SGSM1: variants seen among roughly 807,000 people sequenced by gnomAD.
The protein encoded by SGSM1 is small G protein signaling modulator 1, also known as RUN and TBC1 domain containing 2.
SGSM1 carries 73 observed loss-of-function variants against 133.8 expected under a neutral mutation model. The ratio of observed to expected loss-of-function variants is 0.55; its 90% CI spans 0.45 to 0.66. The LOEUF (loss-of-function observed/expected upper bound fraction) is 0.66. SGSM1 is among the 30% of genes least tolerant of loss of function. SGSM1 has a pLI of 0.00. For synonymous variants in SGSM1, 563 were observed against 573.0 expected (o/e 0.98, Z 0.25); for missense variants, 1,213 against 1,448.1 (o/e 0.84, Z 2.64).
chr22:24,883,712 T>G (rs1932452339), intron 14 of SGSM1, among the ~76,000 whole-genome samples: 1 of 152,208 alleles, frequency 6.6e-6, no homozygotes, highest in African/African-American at 2.4e-5. Context: ...ATCCCAGCAC[T>G]TTGGGAGGCT....
intron 14 of SGSM1, among the ~76,000 whole-genome samples, chr22:24,880,023 C>T (rs1932240173): frequency 6.6e-6 from 1 of 152,116 alleles, no homozygotes; most frequent in African/African-American, 2.4e-5. Context: ...GATGAAGACA[C>T]TAAGGCACAG....
chr22:24,874,147 G>A (rs1931901424), intron 12 of SGSM1, among the ~76,000 whole-genome samples: 1 of 152,198 alleles, frequency 6.6e-6, no homozygotes, highest in South Asian at 2.1e-4. Flanking sequence ...GAGGGAGGAT[G>A]CATCCCTCAC....
In SGSM1 at chr22:24,855,692, T is replaced by C. The variant is rs755602917; in HGVS notation, c.801+12T>C. On this transcript the variant is annotated intron_variant, in intron 8 of 24. Transcript: ENST00000400358. ...TTCTTGTTCAGCCGGTGAGAGGTTA[T>C]CTTGGGCCTAGATCTTGCACTGAGG... 6.2e-7 allele frequency: 1 copy of C among 1,613,826 alleles called. No homozygotes were observed. Among genetic ancestry groups the C allele is most frequent in the African/African-American group, 1.3e-5 (1 of 74,912 alleles).
chr22:24,876,512 G>A, intron 12 of SGSM1, 65 bp from the exon 13 acceptor site: 1 of 1,600,306 alleles, frequency 6.2e-7, no homozygotes, highest in Admixed American at 1.7e-5. Context: ...TCTAGGGTGA[G>A]ATTTCTGTGA....
chr22:24,850,444 A>G lies in SGSM1; in HGVS notation c.455+12A>G. The G allele has an allele frequency of 6.2e-7, 1 of 1,613,574 alleles. No individual in the cohort carries two copies. Among genetic ancestry groups the G allele is most frequent in the South Asian group, 1.1e-5 (1 of 91,044 alleles). Reference sequence around the variant, plus strand: ...GTGGAAAACAGCAGGTGAGAGGGAAAGACCTGACACCTGGCCATGCTCTGC... The same window carrying G: ...GTGGAAAACAGCAGGTGAGAGGGAAGGACCTGACACCTGGCCATGCTCTGC... On this transcript the variant is annotated intron_variant, in intron 5 of 24. Transcript: ENST00000400358.
At chr22:24,816,656 T>A (rs554670361) in intron 2 of SGSM1, among the ~76,000 whole-genome samples, 4 of 152,090 alleles carry the variant, frequency 2.6e-5, no homozygotes, top group African/African-American at 9.7e-5. Flanking sequence ...CCGCCTGCCT[T>A]GGCCTCCCAA....
At chr22:24,905,018 G>T in intron 20 of SGSM1, 87 bp from the exon 21 acceptor site, 1 of 1,073,004 alleles carries the variant, frequency 9.3e-7, no homozygotes, top group Non-Finnish European at 1.5e-6. Context: ...GTGAGGGATT[G>T]GGGACCGAAG....
chr22:24,877,808 T>TC (rs1932102709), intron 13 of SGSM1, among the ~76,000 whole-genome samples: 1 of 122,406 alleles, frequency 8.2e-6, no homozygotes, highest in Admixed American at 8.2e-5. Flanking sequence ...CTTTCTTTTT[T>TC]TTTTTTTTTT....
chr22:24,846,554 A>T (rs996701750), intron 3 of SGSM1, among the ~76,000 whole-genome samples: 3 of 152,228 alleles, frequency 2.0e-5, no homozygotes, highest in African/African-American at 4.8e-5. Flanking sequence ...ATAATAATTC[A>T]GTAGCTCTAC....
At chr22:24,844,784 C>A in intron 2 of SGSM1, 113 bp from the exon 3 acceptor site, 4 of 876,268 alleles carry the variant, frequency 4.6e-6, no homozygotes, top group Admixed American at 2.7e-5. Context: ...TCAAAACATC[C>A]CAAACAGCCT....
At chr22:24,845,951 T>TTCTTTCTCTCTC (rs1366069250) in intron 3 of SGSM1, among the ~76,000 whole-genome samples, 7 of 81,066 alleles carry the variant, frequency 8.6e-5, no homozygotes, top group African/African-American at 2.5e-4. Flanking sequence ...TTTTCTTTCT[T>TTCTTTCTCTCTC]TCTTTCTTTC....
At chr22:24,917,830 T>A in intron 23 of SGSM1, 76 bp downstream of exon 23, 15 of 1,263,634 alleles carry the variant, frequency 1.2e-5, no homozygotes, top group Non-Finnish European at 1.7e-5. Context: ...CCCGTGGAGG[T>A]GAGGTTGAGG....
At chr22:24,920,576 C>T (rs1354298289) in intron 24 of SGSM1, among the ~76,000 whole-genome samples, 3 of 152,174 alleles carry the variant, frequency 2.0e-5, no homozygotes, top group Non-Finnish European at 4.4e-5. Context: ...GGTTAAATCC[C>T]AGCACGTGGT....
In SGSM1 at chr22:24,868,401, G is replaced by C. The variant is rs1284995630; in HGVS notation, c.1020G>C (p.Leu340Phe). The C allele has an allele frequency of 6.2e-7, 1 of 1,612,978 alleles. No homozygotes were observed. Among genetic ancestry groups the C allele is most frequent in the African/African-American group, 1.3e-5 (1 of 74,898 alleles). ...QQVDSGGTVV[L>F]VSQDGIQRPP... is the part of the protein sequence containing the mutation. Reference sequence around the variant, plus strand: ...TTGACAGCGGCGGGACAGTGGTATTGGTCAGCCAGGACGGGATCCAGAGGC... The same window carrying C: ...TTGACAGCGGCGGGACAGTGGTATTCGTCAGCCAGGACGGGATCCAGAGGC... Residue 340 changes from leucine (L) to phenylalanine (F), a missense_variant, in exon 11 of 25, where the codon TTG (leucine) becomes TTC (phenylalanine). Leu to Phe is a conservative substitution (Grantham distance 22). Coordinates refer to ENST00000400358, the MANE Select transcript of SGSM1 (RefSeq NM_001098497.3).
At chr22:24,839,776 T>A (rs1479878815) in intron 2 of SGSM1, among the ~76,000 whole-genome samples, 1 of 152,188 alleles carries the variant, frequency 6.6e-6, no homozygotes, top group African/African-American at 2.4e-5. Flanking sequence ...ATACATTTAT[T>A]TGTTTATAGT....
chr22:24,834,274 G>A (rs1230800773), intron 2 of SGSM1, among the ~76,000 whole-genome samples: 3 of 152,368 alleles, frequency 2.0e-5, no homozygotes, highest in East Asian at 3.9e-4. Flanking sequence ...CCATGACTCA[G>A]GATACAGGAG....
At chr22:24,868,267 A>G in intron 10 of SGSM1, 109 bp from the exon 11 acceptor site, 2 of 1,438,638 alleles carry the variant, frequency 1.4e-6, no homozygotes, top group Non-Finnish European at 1.9e-6. Context: ...TCAGAGCAGG[A>G]TCCCTGGGTC....
intron 2 of SGSM1, among the ~76,000 whole-genome samples, chr22:24,824,648 T>G (rs773084331): frequency 3.9e-5 from 6 of 152,160 alleles, no homozygotes; most frequent in Non-Finnish European, 7.3e-5. Context: ...ACGGTGGCTA[T>G]GTGGGGGCAG....
chr22:24,901,701 C>G (rs1933165683), intron 19 of SGSM1, 132 bp from the exon 20 acceptor site: 2 of 968,300 alleles, frequency 2.1e-6, no homozygotes, highest in Non-Finnish European at 2.9e-6. Flanking sequence ...CCTGGCTGGT[C>G]CAGGTGGGAG....
Sources: allele counts gnomAD v4.1 joint callset (sites outside exome capture counted in the v4.1 genomes callset), GRCh38; gene constraint gnomAD v4.1.1; transcripts MANE v1.5; gene names NCBI Gene and HGNC (gene_info 2026-07-23, HGNC 2026-07-21).